The following UNC13C variants were observed in gnomAD, a reference collection of about 807,000 sequenced individuals.
UNC13C encodes unc-13 homolog C, also known as protein unc-13 homolog C.
Under a neutral mutation model 245.4 loss-of-function variants are expected in UNC13C, and 174 were observed. That is an observed-to-expected ratio of 0.71 (90% CI 0.63 to 0.80). The LOEUF is 0.80. Ranked by LOEUF, UNC13C falls within the 30% of genes least tolerant of loss-of-function variation. The pLI, the probability that UNC13C is intolerant of heterozygous loss-of-function variation, is 0.00. For synonymous variants in UNC13C, 992 were observed against 895.1 expected (o/e 1.11, Z -1.93); for missense variants, 2,829 against 2,602.9 (o/e 1.09, Z -1.89).
chr15:54,205,546 A>G (rs2140732982), intron 4 of UNC13C, among the ~76,000 whole-genome samples: 1 of 152,060 alleles, frequency 6.6e-6, no homozygotes, highest in Admixed American at 6.6e-5. Flanking sequence ...AATATTGGCT[A>G]TTTTCATGTT....
At chr15:54,400,292 G>A (rs2040155621) in intron 18 of UNC13C, among the ~76,000 whole-genome samples, 1 of 151,866 alleles carries the variant, frequency 6.6e-6, no homozygotes, top group Admixed American at 6.6e-5. Context: ...TTTCAGTCAG[G>A]ATCCAAATAA....
At chr15:54,084,429 T>C (rs1899126214) in intron 2 of UNC13C, among the ~76,000 whole-genome samples, 1 of 152,230 alleles carries the variant, frequency 6.6e-6, no homozygotes, top group Non-Finnish European at 1.5e-5. Flanking sequence ...TGTTTCCTTC[T>C]TAAATAAATT....
intron 24 of UNC13C, among the ~76,000 whole-genome samples, chr15:54,523,135 G>A (rs1895297532): frequency 6.6e-6 from 1 of 152,160 alleles, no homozygotes. Flanking sequence ...TACAAAATTT[G>A]TAGGAGTAAG....
intron 1 of UNC13C, among the ~76,000 whole-genome samples, chr15:53,986,553 C>T (rs1256948563): frequency 6.6e-6 from 1 of 151,842 alleles, no homozygotes; most frequent in African/African-American, 2.4e-5. Context: ...TTGATAAGTA[C>T]AGAAGATATG....
At chr15:54,109,342 C>A in intron 2 of UNC13C, among the ~76,000 whole-genome samples, 1 of 16,662 alleles carries the variant, frequency 6.0e-5, no homozygotes. Flanking sequence ...TTTTTTCTTT[C>A]TTTCCTTTTT....
intron 19 of UNC13C, among the ~76,000 whole-genome samples, chr15:54,456,948 T>C (rs1177053714): frequency 1.3e-5 from 2 of 152,134 alleles, no homozygotes; most frequent in Non-Finnish European, 2.9e-5. Context: ...GGCATCCTTG[T>C]CTAGTTCCAG....
At chr15:54,416,705 C>A (rs147297447) in intron 19 of UNC13C, among the ~76,000 whole-genome samples, 2 of 152,244 alleles carry the variant, frequency 1.3e-5, no homozygotes, top group East Asian at 1.9e-4. Context: ...TGCATCCCCC[C>A]ACCCTACTTG....
chr15:53,986,285 G>T (rs1423288574), intron 1 of UNC13C, among the ~76,000 whole-genome samples: 1 of 152,052 alleles, frequency 6.6e-6, no homozygotes, highest in Admixed American at 6.6e-5. Context: ...GAGAGACAAA[G>T]TGTGGGGTCA....
At chr15:54,011,300 G>A (rs1595709840) in intron 1 of UNC13C, among the ~76,000 whole-genome samples, 1 of 152,102 alleles carries the variant, frequency 6.6e-6, no homozygotes, top group Non-Finnish European at 1.5e-5. Flanking sequence ...TTGTTGCCTA[G>A]AACAGTAGCT....
the UNC13C span, among the ~76,000 whole-genome samples, chr15:53,842,114 CTA>C: frequency 6.6e-6 from 1 of 152,062 alleles, no homozygotes; most frequent in Non-Finnish European, 1.5e-5. Flanking sequence ...TTCTTTGACA[CTA>C]AAAGTGCAGA....
chr15:54,576,271 G>C (rs778635819), intron 30 of UNC13C, among the ~76,000 whole-genome samples: 78 of 152,160 alleles, frequency 5.1e-4, no homozygotes, highest in Non-Finnish European at 9.4e-4. Flanking sequence ...CCCTCCCACT[G>C]TCTCACACTC....
chr15:54,587,761 G>T (rs1246578710), intron 30 of UNC13C, among the ~76,000 whole-genome samples: 2 of 151,994 alleles, frequency 1.3e-5, no homozygotes, highest in Non-Finnish European at 2.9e-5. Context: ...TCTACCTTGT[G>T]CATCTCCTCT....
chr15:54,035,030 TG>T (rs369409931), intron 2 of UNC13C, among the ~76,000 whole-genome samples: 35 of 152,344 alleles, frequency 2.3e-4, no homozygotes, highest in African/African-American at 8.4e-4. Context: ...AAGGATGATT[TG>T]GCAATATTTA....
chr15:54,593,963 C>T (rs117353151), intron 30 of UNC13C, among the ~76,000 whole-genome samples: 6,529 of 152,274 alleles, frequency 0.043, 242 homozygotes, highest in Admixed American at 0.12. Context: ...TAGGCTCTAT[C>T]AGAGGGAAGG....
At chr15:53,941,236 C>T in the UNC13C span, among the ~76,000 whole-genome samples, 1 of 152,128 alleles carries the variant, frequency 6.6e-6, no homozygotes, top group Non-Finnish European at 1.5e-5. Flanking sequence ...GCTGGGAGAA[C>T]TGGCTAGCCA....
chr15:54,038,435 A>G (rs1198755334), intron 2 of UNC13C, among the ~76,000 whole-genome samples: 1 of 151,912 alleles, frequency 6.6e-6, no homozygotes, highest in African/African-American at 2.4e-5. Flanking sequence ...TACTGGCCCC[A>G]TTTGTATATC....
intron 10 of UNC13C, among the ~76,000 whole-genome samples, chr15:54,271,585 A>G (rs1396126364): frequency 3.9e-5 from 6 of 152,110 alleles, no homozygotes; most frequent in African/African-American, 1.2e-4. Flanking sequence ...TTCTCTGAGG[A>G]CTCTATAGTT....
chr15:54,346,432 C>T (rs377503274), intron 17 of UNC13C, among the ~76,000 whole-genome samples: 1 of 152,152 alleles, frequency 6.6e-6, no homozygotes, highest in Non-Finnish European at 1.5e-5. Flanking sequence ...ATTCATGCTA[C>T]TTCTGTTTTC....
At chr15:54,544,472 A>C (rs965333372) in intron 26 of UNC13C, among the ~76,000 whole-genome samples, 1 of 152,216 alleles carries the variant, frequency 6.6e-6, no homozygotes, top group Admixed American at 6.5e-5. Context: ...GAAAGAAATA[A>C]AGGATATTCA....
Sources: allele counts gnomAD v4.1 joint callset (sites outside exome capture counted in the v4.1 genomes callset), GRCh38; gene constraint gnomAD v4.1.1; transcripts MANE v1.5; gene names NCBI Gene and HGNC (gene_info 2026-07-23, HGNC 2026-07-21).